SATB2: variants seen among roughly 807,000 people sequenced by gnomAD.
The protein encoded by SATB2 is SATB homeobox 2.
In SATB2, 1 loss-of-function variant was observed where a neutral mutation model predicts 73.4. The ratio of observed to expected loss-of-function variants is 0.01; its 90% confidence interval spans 0.00 to 0.06. The LOEUF (loss-of-function observed/expected upper bound fraction) is 0.06, where lower values mean the gene tolerates loss of function less well. SATB2 is among the 10% of genes least tolerant of loss of function. The probability of loss-of-function intolerance (pLI) is 1.00; values close to 1 mark genes in which losing one functional copy is unlikely to be tolerated. For missense variants in SATB2, 459 were observed against 945.8 expected, an observed-to-expected ratio of 0.49 and a Z score of 6.75; for synonymous variants, 397 against 367.0, an observed-to-expected ratio of 1.08 and a Z score of -0.93.
intron 6 of SATB2, among the ~76,000 whole-genome samples, chr2:199,353,023 GA>G (rs1306277903): frequency 3.4e-5 from 5 of 149,012 alleles, no homozygotes; most frequent in African/African-American, 1.2e-4. Flanking sequence ...TACCAAGAAT[GA>G]AAAAAGAAAA....
chr2:199,439,460 A>C (rs1691744878), intron 2 of SATB2, among the ~76,000 whole-genome samples: 1 of 152,200 alleles, frequency 6.6e-6, no homozygotes, highest in South Asian at 2.1e-4. Flanking sequence ...GGAGATTATA[A>C]AGACTGTAGG....
chr2:199,420,113 T>C (rs1691120464), intron 3 of SATB2, among the ~76,000 whole-genome samples: 1 of 152,196 alleles, frequency 6.6e-6, no homozygotes, highest in Non-Finnish European at 1.5e-5. Context: ...TTTGAACATT[T>C]AGGTCCTGGC....
At chr2:199,300,185 G>A (rs1204536677) in intron 10 of SATB2, among the ~76,000 whole-genome samples, 1 of 151,650 alleles carries the variant, frequency 6.6e-6, no homozygotes, top group Non-Finnish European at 1.5e-5. Context: ...GAGGGAGGGA[G>A]GCAGGGAGGG....
chr2:199,421,921 A>G (rs1184876830), intron 3 of SATB2, among the ~76,000 whole-genome samples: 1 of 152,228 alleles, frequency 6.6e-6, no homozygotes, highest in African/African-American at 2.4e-5. Flanking sequence ...ATCTGCACAT[A>G]AATGTTGACG....
intron 6 of SATB2, among the ~76,000 whole-genome samples, chr2:199,363,463 G>C (rs1464813812): frequency 6.6e-6 from 1 of 152,186 alleles, no homozygotes; most frequent in Non-Finnish European, 1.5e-5. Context: ...TAGAAGTAGA[G>C]AGTAGAATGG....
chr2:199,288,127 AG>A (rs1281695671), intron 10 of SATB2, among the ~76,000 whole-genome samples: 3 of 152,232 alleles, frequency 2.0e-5, no homozygotes, highest in African/African-American at 7.2e-5. Context: ...CACAAATGTT[AG>A]GAAAAATTAG....
At chr2:199,470,994 T>A (rs1369466451) in intron 1 of SATB2, 1 of 152,456 alleles carries the variant, frequency 6.6e-6, no homozygotes, top group African/African-American at 2.4e-5. Flanking sequence ...AGCCAGGGGC[T>A]GGGGGACTCC....
chr2:199,386,703 C>T (rs1324944793), intron 3 of SATB2, among the ~76,000 whole-genome samples: 10 of 19,172 alleles, frequency 5.2e-4, no homozygotes, highest in East Asian at 5.0e-3. Context: ...CAAGCGCGCG[C>T]GCGCGCGCGC....
intron 9 of SATB2, among the ~76,000 whole-genome samples, chr2:199,319,902 G>C (rs34314977): frequency 0.12 from 18,621 of 152,070 alleles, 1,360 homozygotes; most frequent in South Asian, 0.32. Flanking sequence ...TGTCAAGGGA[G>C]AGAAATGTGG....
At chr2:199,404,840 C>T (rs1690583942) in intron 3 of SATB2, among the ~76,000 whole-genome samples, 1 of 152,170 alleles carries the variant, frequency 6.6e-6, no homozygotes. Context: ...CTTAAAAACA[C>T]TGTGATGCTT....
intron 8 of SATB2, 121 bp from the exon 9 acceptor site, chr2:199,324,079 A>G: frequency 2.0e-6 from 2 of 976,190 alleles, no homozygotes; most frequent in Non-Finnish European, 1.6e-6. Flanking sequence ...ACAGAGGGAC[A>G]CTTCCTGTCC....
At chr2:199,362,469 G>T (rs919782627) in intron 6 of SATB2, among the ~76,000 whole-genome samples, 1 of 150,672 alleles carries the variant, frequency 6.6e-6, no homozygotes, top group African/African-American at 2.4e-5. Flanking sequence ...CATTTATACA[G>T]CTGCTTCCCC....
chr2:199,470,602 A>G (rs1190112528), intron 1 of SATB2: 2 of 152,338 alleles, frequency 1.3e-5, no homozygotes, highest in African/African-American at 4.8e-5. Flanking sequence ...TATGGCTGCT[A>G]TACACCAACA....
At chr2:199,405,787 G>GA (rs918141048) in intron 3 of SATB2, among the ~76,000 whole-genome samples, 22 of 145,234 alleles carry the variant, frequency 1.5e-4, no homozygotes, top group Middle Eastern at 3.5e-3. Context: ...TTTTTTAAAA[G>GA]AAAAAAAAAA....
At position 199,433,345 on chromosome 2, in the gene SATB2, C is replaced by G; in HGVS notation, c.339G>C (p.Gln113His). The G allele has an allele frequency of 1.2e-6, 2 of 1,613,774 alleles. No homozygotes were observed. The highest frequency in any genetic ancestry group is 1.7e-6 in the Non-Finnish European group (2 of 1,179,934). The change falls in exon 3 of 11, where the codon CAG (glutamine) becomes CAC (histidine). Residue 113 changes from glutamine (Q) to histidine (H), a missense_variant. This residue lies in a region of SATB2 where 56 missense variants were observed against 183.7 expected (regional missense o/e 0.30). Coordinates refer to ENST00000417098, the MANE Select transcript of SATB2 (RefSeq NM_001172509.2). Reference sequence around the variant, plus strand: ...GGGGAGAGGCATTAATACCTTGGGCCTGGGCCGCAGAGCTGTGAGAATACC... The same window carrying G: ...GGGGAGAGGCATTAATACCTTGGGCGTGGGCCGCAGAGCTGTGAGAATACC... ...ALGYSHSSAA[Q>H]AQGIIKLGRW...
intron 10 of SATB2, among the ~76,000 whole-genome samples, chr2:199,293,562 C>T (rs941312759): frequency 1.3e-5 from 2 of 152,006 alleles, no homozygotes; most frequent in South Asian, 2.1e-4. Context: ...TGCATGAAAG[C>T]TATAAAAGAT....
Position 199,455,001 on chromosome 2 carries a change from T to A in SATB2, c.169+868A>T, listed in dbSNP as rs1465776595. 1.3e-5 allele frequency among the ~76,000 whole-genome samples: 2 copies of A among 152,204 alleles called. No homozygotes were observed. Among genetic ancestry groups the A allele is most frequent in the African/African-American group, 4.8e-5 (2 of 41,456 alleles). On this transcript the variant is annotated intron_variant, in intron 2 of 10. Coordinates refer to ENST00000417098, the MANE Select transcript of SATB2 (RefSeq NM_001172509.2). This position sits in a 1 kb window ranked among gnomAD's most constrained non-coding sequence, Gnocchi z 4.1. Reference sequence around the variant, plus strand: ...ATTTATGCCAAACACACAGAAAACCTGCATGCCATGTGGAATTGTGGATTT... The same window carrying A: ...ATTTATGCCAAACACACAGAAAACCAGCATGCCATGTGGAATTGTGGATTT...
chr2:199,364,913 T>TA (rs1168725949), intron 6 of SATB2, among the ~76,000 whole-genome samples: 5 of 152,070 alleles, frequency 3.3e-5, no homozygotes, highest in African/African-American at 1.2e-4. Context: ...GCCATGAGAG[T>TA]AAAACTGATA....
intron 3 of SATB2, among the ~76,000 whole-genome samples, chr2:199,400,692 A>G (rs1227518286): frequency 1.3e-5 from 2 of 152,220 alleles, no homozygotes; most frequent in Admixed American, 6.5e-5. Context: ...CAACAAACCA[A>G]TGAGGTAGGT....
Sources: gnomAD v4.1 joint callset for allele counts (sites outside exome capture counted in the v4.1 genomes callset) on GRCh38, gnomAD v4.1.1 for gene constraint, gnomAD v4.1.1 regional missense constraint, Gnocchi (gnomAD v3.1) non-coding constraint, MANE v1.5 for transcripts, NCBI Gene and HGNC (gene_info 2026-07-23, HGNC 2026-07-21) for gene names.